Variants in ARID1B observed in about 807,000 individuals in gnomAD.
ARID1B encodes the protein AT-rich interactive domain-containing protein 1B.
A neutral mutation model predicts 212.3 loss-of-function variants in ARID1B; 30 were observed. That is an observed-to-expected ratio of 0.14 (90% CI 0.11 to 0.19). ARID1B has a LOEUF of 0.19. Among genes scored for constraint, ARID1B ranks in the 10% least tolerant of loss-of-function variants. ARID1B has a pLI of 1.00. For synonymous variants in ARID1B, 1,402 were observed against 1,301.7 expected (o/e 1.08, Z -1.66); for missense variants, 2,891 against 3,204.0 (o/e 0.90, Z 2.36).
In ARID1B at chr6:157,093,518, C is replaced by T. The variant is rs147201820; in HGVS notation, c.2491+8613C>T. ...GACTAATGAAGAACAGAATTGGTTT[C>T]GGCATGAGACAAACGGAATGCCTTC... On this transcript the variant is annotated intron_variant, in intron 5 of 19. Transcript: ENST00000636930. Among the ~76,000 whole-genome samples the T allele has an allele frequency of 7.2e-3, 1,092 of 152,282 alleles. 14 individuals carry two copies. Among genetic ancestry groups the T allele is most frequent in the African/African-American group, 0.024 (1,008 of 41,550 alleles).
At chr6:157,013,109 C>G (rs1779709784) in intron 4 of ARID1B, among the ~76,000 whole-genome samples, 1 of 152,200 alleles carries the variant, frequency 6.6e-6, no homozygotes, top group Admixed American at 6.5e-5. Context: ...GAACTCCTGA[C>G]CTCAGGTGGT....
At chr6:156,930,016 T>C (rs753445061) in intron 3 of ARID1B, among the ~76,000 whole-genome samples, 2 of 152,242 alleles carry the variant, frequency 1.3e-5, no homozygotes, top group Non-Finnish European at 2.9e-5. Context: ...AGTTTTGTTC[T>C]ATTCCAGAAT....
intron 4 of ARID1B, chr6:156,936,783 G>T (rs1281214477): frequency 1.3e-5 from 2 of 151,992 alleles, no homozygotes; most frequent in Non-Finnish European, 2.9e-5. Flanking sequence ...ATTCAGTATA[G>T]CCATGATTTT....
At chr6:156,962,173 C>A (rs1794425509) in intron 4 of ARID1B, among the ~76,000 whole-genome samples, 1 of 152,054 alleles carries the variant, frequency 6.6e-6, no homozygotes, top group African/African-American at 2.4e-5. Context: ...GTGGCGGGCG[C>A]CTGCAGTCCC....
intron 4 of ARID1B, among the ~76,000 whole-genome samples, chr6:157,025,411 G>C (rs1204761323): frequency 6.6e-6 from 1 of 152,194 alleles, no homozygotes; most frequent in African/African-American, 2.4e-5. Context: ...TATTCTAGTA[G>C]GACGGTAGAA....
intron 11 of ARID1B, among the ~76,000 whole-genome samples, chr6:157,177,221 T>C (rs1487319174): frequency 1.3e-5 from 2 of 152,224 alleles, no homozygotes; most frequent in Non-Finnish European, 2.9e-5. Context: ...CAAGAGAAGC[T>C]GAAGTTCACA....
At position 156,895,380 on chromosome 6, in the gene ARID1B, T is replaced by A. The variant is rs533765770; in HGVS notation, c.1987-5996T>A. 3.1e-4 allele frequency among the ~76,000 whole-genome samples: 47 copies of A among 152,308 alleles called. No individual in the cohort carries two copies. The South Asian group carries it at 7.7e-3, about 25-fold the overall frequency. On this transcript the variant is annotated intron_variant, in intron 2 of 19. Coordinates refer to ENST00000636930, the MANE Select transcript of ARID1B (RefSeq NM_001374828.1). The stretch of plus-strand genomic sequence containing the variant: ...TTCTGTCCTGAATGCCCTGATGGCT[T>A]GTGAGGAGAGGGACAGTCGCTCAGA...
At chr6:156,990,648 C>G (rs916434912) in intron 4 of ARID1B, among the ~76,000 whole-genome samples, 1 of 152,014 alleles carries the variant, frequency 6.6e-6, no homozygotes, top group East Asian at 2.0e-4. Context: ...TCAAAACGAA[C>G]AAACAAACAA....
intron 4 of ARID1B, among the ~76,000 whole-genome samples, chr6:157,062,828 C>G (rs955161904): frequency 6.6e-6 from 1 of 151,496 alleles, no homozygotes; most frequent in East Asian, 1.9e-4. Flanking sequence ...CTCAGCCTCC[C>G]GAGCAGCTGG....
rs2114995282 is a variant in ARID1B at position 156,779,081 on chromosome 6, C to T, written c.1401C>T (p.Gly467=). Residue 467 remains glycine (G), a synonymous_variant, in exon 1 of 20, where the codon GGC becomes GGT. Coordinates refer to ENST00000636930, the MANE Select transcript of ARID1B (RefSeq NM_001374828.1). ...GCGGCATGATGATGGGCCCCGGGGGCGGCGGGGCCGCGAGCCTCAGCAAGG... is the reference window on the plus strand; with the variant it reads ...GCGGCATGATGATGGGCCCCGGGGGTGGCGGGGCCGCGAGCCTCAGCAAGG... ...QGGGMMMGPG[G]GGAASLSKAA... is the part of the protein sequence containing the mutation. The T allele has an allele frequency of 8.2e-7, 1 of 1,224,358 alleles. No individual in the cohort carries two copies. The highest frequency in any genetic ancestry group is 1.0e-6 in the Non-Finnish European group (1 of 984,714). The allele number at this position is 1,224,358 out of a possible 1,614,324, so 75.8% of individuals were successfully genotyped here. A position where few individuals can be genotyped will look rare whatever the true frequency, so the allele number is the denominator to read the frequency against.
chr6:157,064,585 A>G lies in ARID1B; in HGVS notation c.2248-20077A>G, dbSNP rs144228993. On this transcript the variant is annotated intron_variant, in intron 4 of 19. Coordinates refer to ENST00000636930, the MANE Select transcript of ARID1B (RefSeq NM_001374828.1). Reference sequence around the variant, plus strand: ...TTATAACCCAATCCAAAGTCTGTCAAGTGGAGAACGCACAACCCTGGCTTT... The same window carrying G: ...TTATAACCCAATCCAAAGTCTGTCAGGTGGAGAACGCACAACCCTGGCTTT... Among the ~76,000 whole-genome samples the G allele has an allele frequency of 2.0e-3, 303 of 152,280 alleles. 3 individuals carry two copies. The highest frequency in any genetic ancestry group is 6.7e-3 in the African/African-American group (277 of 41,540).
chr6:156,935,454 G>T lies in ARID1B; in HGVS notation c.2137-12G>T. 6 of 1,553,776 alleles carry T rather than the reference G, an allele frequency of 3.9e-6. No homozygotes were observed. Among genetic ancestry groups the T allele is most frequent in the South Asian group, 1.1e-5 (1 of 87,232 alleles). ...TATTTATGAAGTGCTTTGTGTTTGT[G>T]TTTTTTTTTAGGACATGTCTCAGGA... On this transcript the variant is annotated splice_polypyrimidine_tract_variant and intron_variant, in intron 3 of 19. Transcript: ENST00000636930.
chr6:156,793,033 C>G (rs930090349), intron 1 of ARID1B, among the ~76,000 whole-genome samples: 1 of 152,156 alleles, frequency 6.6e-6, no homozygotes, highest in Admixed American at 6.5e-5. Flanking sequence ...CTGCAGTTCG[C>G]ATGGCAGGCA....
At chr6:156,794,437 A>G (rs1583053253) in intron 1 of ARID1B, among the ~76,000 whole-genome samples, 4 of 151,950 alleles carry the variant, frequency 2.6e-5, no homozygotes, top group African/African-American at 9.7e-5. Flanking sequence ...CTTTGTAGAG[A>G]TGGGGGTCTT....
chr6:156,932,917 A>G (rs1791867018), intron 3 of ARID1B, among the ~76,000 whole-genome samples: 1 of 152,222 alleles, frequency 6.6e-6, no homozygotes, highest in Non-Finnish European at 1.5e-5. Flanking sequence ...ACTGTACTTA[A>G]TAGCTGAAAG....
intron 6 of ARID1B, among the ~76,000 whole-genome samples, chr6:157,121,719 C>T (rs546928357): frequency 4.9e-4 from 74 of 151,216 alleles, no homozygotes; most frequent in Admixed American, 8.6e-4. Context: ...GCAACCTCCA[C>T]CTCCTGGGTT....
intron 8 of ARID1B, chr6:157,149,999 T>G (rs1350028285): frequency 1.3e-5 from 2 of 152,212 alleles, no homozygotes; most frequent in Non-Finnish European, 1.5e-5. Flanking sequence ...ACATTACAAT[T>G]ACTTAAAATC....
intron 4 of ARID1B, among the ~76,000 whole-genome samples, chr6:157,005,570 C>T (rs1259683685): frequency 6.6e-6 from 1 of 152,132 alleles, no homozygotes; most frequent in Middle Eastern, 3.2e-3. Context: ...CCAGAGTAGG[C>T]AAGTAAGAAA....
rs764967238 is a variant in ARID1B, at chr6:156,935,515, C to A, written c.2186C>A (p.Pro729His). ...YGTRSQPPLA[P>H]GKPNHEDLNL... ...ACTAGATCTCAACCTCCTCTGGCCC[C>A]CGGAAAACCTAACCATGAAGACTTG... Residue 729 changes from proline (P) to histidine (H), a missense_variant, in exon 4 of 20, where the codon CCC becomes CAC. Around this residue, in one of 7 missense-constraint regions of ARID1B, gnomAD observed 1,643 missense variants for 1,544.0 expected, o/e 1.06. Coordinates refer to ENST00000636930, the MANE Select transcript of ARID1B (RefSeq NM_001374828.1). The A allele has an allele frequency of 6.2e-7, 1 of 1,614,042 alleles. No homozygotes were observed. Among genetic ancestry groups the A allele is most frequent in the Non-Finnish European group, 8.5e-7 (1 of 1,179,958 alleles).
Sources: gnomAD v4.1 joint callset for allele counts (sites outside exome capture counted in the v4.1 genomes callset) on GRCh38, gnomAD v4.1.1 for gene constraint, gnomAD v4.1.1 regional missense constraint, MANE v1.5 for transcripts, NCBI Gene and HGNC (gene_info 2026-07-23, HGNC 2026-07-21) for gene names.